SRGAP3: variants seen among roughly 807,000 people sequenced by gnomAD.
SRGAP3 encodes SLIT-ROBO Rho GTPase-activating protein 3.
SRGAP3 carries 39 observed loss-of-function variants against 121.1 expected under a neutral mutation model. The ratio of observed to expected loss-of-function variants is 0.32; its 90% confidence interval spans 0.25 to 0.42. The LOEUF (loss-of-function observed/expected upper bound fraction) is 0.42, where lower values mean the gene tolerates loss of function less well. SRGAP3 is among the 10% of genes least tolerant of loss of function. The pLI is 1.00. For missense variants in SRGAP3, 1,213 were observed against 1,470.6 expected (o/e 0.82, Z 2.86); for synonymous variants, 601 against 570.0 (o/e 1.05, Z -0.77).
At chr3:9,013,141 C>G (rs574907451) in intron 17 of SRGAP3, among the ~76,000 whole-genome samples, 167 bp downstream of exon 17, 2 of 152,290 alleles carry the variant, frequency 1.3e-5, no homozygotes, top group East Asian at 3.9e-4. Context: ...AGAATCCTAA[C>G]TGATGTACCT....
intron 3 of SRGAP3, among the ~76,000 whole-genome samples, chr3:9,310,861 A>G (rs979168376): frequency 1.3e-5 from 2 of 152,036 alleles, no homozygotes; most frequent in African/African-American, 4.8e-5. Context: ...CCTGCAATCT[A>G]AAGATTCCTG....
Position 8,982,607 on chromosome 3 carries a change from A to G in SRGAP3, c.*2912T>C, listed in dbSNP as rs1941475297. 9.1e-6 allele frequency: 2 copies of G among 218,996 alleles called. No homozygotes were observed. Among genetic ancestry groups the G allele is most frequent in the Non-Finnish European group, 1.8e-5 (2 of 108,992 alleles). The allele number at this position is 218,996 out of a possible 1,614,324, so 13.6% of individuals were successfully genotyped here. A position where few individuals can be genotyped will look rare whatever the true frequency, so the allele number is the denominator to read the frequency against. On this transcript the variant is annotated 3_prime_UTR_variant, in exon 22 of 22. Transcript: ENST00000383836. ...TATATAGTGGACTAAAACAGGCAGGAGTCAGAAAGAGAAAGCCAATGTTCA... is the reference window on the plus strand; with the variant it reads ...TATATAGTGGACTAAAACAGGCAGGGGTCAGAAAGAGAAAGCCAATGTTCA...
intron 3 of SRGAP3, among the ~76,000 whole-genome samples, chr3:9,296,927 C>T (rs1453971940): frequency 6.6e-6 from 1 of 152,112 alleles, no homozygotes; most frequent in African/African-American, 2.4e-5. Flanking sequence ...CTCTGTCACC[C>T]AGGCTAGCGT....
At chr3:9,191,838 A>G (rs1421792625) in intron 1 of SRGAP3, among the ~76,000 whole-genome samples, 1 of 152,194 alleles carries the variant, frequency 6.6e-6, no homozygotes, top group African/African-American at 2.4e-5. Context: ...TTTTCACCAC[A>G]GTGAGTTCTT....
intron 1 of SRGAP3, among the ~76,000 whole-genome samples, chr3:9,127,511 G>C (rs184528039): frequency 0.016 from 2,408 of 152,236 alleles, 41 homozygotes; most frequent in Non-Finnish European, 0.024. Context: ...GCAGCGGCCC[G>C]ATCTCCACTC....
Position 9,249,322 on chromosome 3 carries a change from G to A in SRGAP3, c.-371C>T. 2.3e-6 allele frequency: 1 copy of A among 428,934 alleles called. No homozygotes were observed. The allele number at this position is 428,934 out of a possible 1,614,324, so 26.6% of individuals were successfully genotyped here. On this transcript the variant is annotated 5_prime_UTR_variant, in exon 1 of 22. Coordinates refer to ENST00000383836, the MANE Select transcript of SRGAP3 (RefSeq NM_014850.4). Reference sequence around the variant, plus strand: ...ACGTACACACACTCACGCATGCACAGGCACACTCACCGGGACACGCACACA... The same window carrying A: ...ACGTACACACACTCACGCATGCACAAGCACACTCACCGGGACACGCACACA...
intron 10 of SRGAP3, among the ~76,000 whole-genome samples, chr3:9,041,522 T>A (rs1446759576): frequency 6.6e-6 from 1 of 152,254 alleles, no homozygotes; most frequent in Non-Finnish European, 1.5e-5. Flanking sequence ...TTAACTCTTT[T>A]ATCAACTCAC....
chr3:9,032,764 C>G lies in SRGAP3; in HGVS notation c.1437-12G>C, dbSNP rs373550928. The G allele has an allele frequency of 1.2e-6, 2 of 1,610,714 alleles. No individual in the cohort carries two copies. The highest frequency in any genetic ancestry group is 1.7e-6 in the Non-Finnish European group (2 of 1,177,338). On this transcript the variant is annotated splice_polypyrimidine_tract_variant and intron_variant, in intron 11 of 21. Transcript: ENST00000383836. Reference sequence around the variant, plus strand: ...GAAGACAGGGGGGCCTAGGGGAAAACGGAACAAAAGAAATCAAGAAAGCAA... The same window carrying G: ...GAAGACAGGGGGGCCTAGGGGAAAAGGGAACAAAAGAAATCAAGAAAGCAA...
At chr3:9,276,352 G>A (rs1954576128) in intron 3 of SRGAP3, among the ~76,000 whole-genome samples, 1 of 151,744 alleles carries the variant, frequency 6.6e-6, no homozygotes, top group Non-Finnish European at 1.5e-5. Context: ...CACCTGTCTT[G>A]CTGGACCCTC....
intron 2 of SRGAP3, among the ~76,000 whole-genome samples, chr3:9,116,364 C>T (rs450281): frequency 0.24 from 36,402 of 151,722 alleles, 4,853 homozygotes; most frequent in African/African-American, 0.36. Context: ...CAGCCATTCA[C>T]TGAAAAAACT....
chr3:8,980,859 C>G lies in SRGAP3; in HGVS notation c.*4660G>C, dbSNP rs1042553070. 1 of 233,452 alleles carries G rather than the reference C, an allele frequency of 4.3e-6. No individual in the cohort carries two copies. Among genetic ancestry groups the G allele is most frequent in the African/African-American group, 2.2e-5 (1 of 45,340 alleles). The allele number at this position is 233,452 out of a possible 1,614,324, so 14.5% of individuals were successfully genotyped here. On this transcript the variant is annotated 3_prime_UTR_variant, in exon 22 of 22. Coordinates refer to ENST00000383836, the MANE Select transcript of SRGAP3 (RefSeq NM_014850.4). ...AAGGAAACAAAATAGACCAGCCACT[C>G]TGAAGCAATCAGAATCAAACCTATT...
chr3:9,020,984 G>A (rs1370907597), intron 14 of SRGAP3, among the ~76,000 whole-genome samples: 1 of 152,248 alleles, frequency 6.6e-6, no homozygotes, highest in East Asian at 1.9e-4. Context: ...GGCAGAGACT[G>A]AGCACACAGT....
chr3:8,999,472 C>A (rs1942619232), intron 18 of SRGAP3, among the ~76,000 whole-genome samples: 1 of 152,194 alleles, frequency 6.6e-6, no homozygotes, highest in Non-Finnish European at 1.5e-5. Flanking sequence ...TGTTATAGGT[C>A]ATGAGTCCTG....
At chr3:9,030,687 G>A (rs115451745) in intron 12 of SRGAP3, among the ~76,000 whole-genome samples, 1 of 151,996 alleles carries the variant, frequency 6.6e-6, no homozygotes, top group Non-Finnish European at 1.5e-5. Context: ...CCTCTATTAC[G>A]AAAATACTTA....
At chr3:9,348,600 A>C in intron 1 of SRGAP3, 1 of 936,458 alleles carries the variant, frequency 1.1e-6, no homozygotes, top group African/African-American at 1.6e-5. Flanking sequence ...TGAGTTTGAC[A>C]TCTGCTTCAC....
In SRGAP3 at chr3:9,328,334, GC is replaced by G. The variant is rs549699439; in HGVS notation, n.284-2167del. Among the ~76,000 whole-genome samples the G allele has an allele frequency of 1.4e-4, 22 of 152,244 alleles. No homozygotes were observed. In the South Asian group the frequency reaches 4.6e-3, roughly 32 times the overall value. Reference sequence around the variant, plus strand: ...ACAGTAGTTGTACGATTTTTCATTTGCCACATTTTAAGTTTCTTAATTGGTT... The same window carrying G: ...ACAGTAGTTGTACGATTTTTCATTTGCACATTTTAAGTTTCTTAATTGGTT... On this transcript the variant is annotated intron_variant and non_coding_transcript_variant, in intron 2 of 3. Coordinates refer to the SRGAP3 transcript ENST00000490889.
chr3:9,029,845 G>T (rs1944389381), intron 12 of SRGAP3, among the ~76,000 whole-genome samples: 2 of 152,072 alleles, frequency 1.3e-5, no homozygotes, highest in South Asian at 4.1e-4. Flanking sequence ...TGACTATAAA[G>T]CAACGCAATA....
intron 1 of SRGAP3, among the ~76,000 whole-genome samples, chr3:9,334,370 G>C (rs930734621): frequency 2.0e-5 from 3 of 152,036 alleles, no homozygotes; most frequent in Non-Finnish European, 4.4e-5. Flanking sequence ...CAAGGGCTGA[G>C]GCAGTAGAGA....
intron 1 of SRGAP3, among the ~76,000 whole-genome samples, chr3:9,341,538 G>A (rs1488863779): frequency 6.6e-6 from 1 of 152,216 alleles, no homozygotes; most frequent in Non-Finnish European, 1.5e-5. Context: ...AGTGTTGGGA[G>A]AAGAGGTCAG....
Sources: allele counts gnomAD v4.1 joint callset (sites outside exome capture counted in the v4.1 genomes callset), GRCh38; gene constraint gnomAD v4.1.1; transcripts MANE v1.5; gene names NCBI Gene and HGNC (gene_info 2026-07-23, HGNC 2026-07-21).